Variants in TRHDE observed in about 807,000 individuals in gnomAD.
TRHDE encodes thyrotropin-releasing hormone-degrading ectoenzyme.
Under a neutral mutation model 125.7 loss-of-function variants are expected in TRHDE, and 72 were observed. The observed-to-expected ratio is 0.57, with a 90% CI of 0.47 to 0.70. TRHDE has a LOEUF of 0.70. Ranked by LOEUF, TRHDE falls within the 30% of genes least tolerant of loss-of-function variation. The probability of loss-of-function intolerance (pLI) is 0.00; values close to 1 mark genes in which losing one functional copy is unlikely to be tolerated. For synonymous variants in TRHDE, 509 were observed against 509.1 expected (o/e 1.00, Z 0.00); for missense variants, 1,110 against 1,327.1 (o/e 0.84, Z 2.54).
intron 2 of TRHDE, among the ~76,000 whole-genome samples, chr12:72,302,700 T>G (rs780335358): frequency 6.6e-6 from 1 of 152,112 alleles, no homozygotes; most frequent in African/African-American, 2.4e-5. Context: ...CACAGGGGTG[T>G]CTCTTTCTCT....
chr12:72,287,458 G>A (rs541974676), intron 2 of TRHDE, among the ~76,000 whole-genome samples: 13 of 152,200 alleles, frequency 8.5e-5, no homozygotes, highest in Admixed American at 5.2e-4. Flanking sequence ...GAAGCTCTCT[G>A]TGTAACCATC....
At chr12:72,238,328 ATATATACACAT>A (rs56322832) in intron 2 of TRHDE, among the ~76,000 whole-genome samples, 353 of 34,638 alleles carry the variant, frequency 0.01, 55 homozygotes, top group South Asian at 0.02. Context: ...ATATACATAT[ATATATACACAT>A]TATATATATA....
At chr12:72,116,446 A>G (rs1188359879) in intron 2 of TRHDE, among the ~76,000 whole-genome samples, 2 of 152,176 alleles carry the variant, frequency 1.3e-5, no homozygotes, top group Admixed American at 1.3e-4. Context: ...ACTGCCTTTC[A>G]CAATGGTTGA....
At chr12:72,315,427 C>T (rs948481548) in intron 2 of TRHDE, among the ~76,000 whole-genome samples, 1 of 151,924 alleles carries the variant, frequency 6.6e-6, no homozygotes, top group African/African-American at 2.4e-5. Flanking sequence ...TTTTTTCAAG[C>T]AGCCATCTGT....
rs919136021 is a variant in TRHDE, at chr12:72,653,232, A to T, written c.2984+76A>T. 30 of 1,294,634 alleles carry T rather than the reference A, an allele frequency of 2.3e-5. No homozygotes were observed. In the African/African-American group the frequency reaches 2.6e-4, roughly 11 times the overall value. The allele number at this position is 1,294,634 out of a possible 1,614,324, so 80.2% of individuals were successfully genotyped here. ...GGAATAAAGGCCCAAGTTTTGTGTT[A>T]AAGCTAAGATCCATGCAATAGGTTT... On this transcript the variant is annotated intron_variant, in intron 17 of 18. Transcript: ENST00000261180.
chr12:72,590,755 T>C (rs1161166223), intron 12 of TRHDE, among the ~76,000 whole-genome samples: 1 of 152,162 alleles, frequency 6.6e-6, no homozygotes, highest in Admixed American at 6.5e-5. Flanking sequence ...TTTAAAAAAT[T>C]TTTATTCTCA....
intron 6 of TRHDE, among the ~76,000 whole-genome samples, chr12:72,524,988 C>T (rs1428701986): frequency 6.6e-6 from 1 of 152,078 alleles, no homozygotes; most frequent in African/African-American, 2.4e-5. Context: ...AACTGACCTC[C>T]AAGACTCGTG....
intron 7 of TRHDE, among the ~76,000 whole-genome samples, chr12:72,548,659 A>G (rs1476514360): frequency 1.3e-5 from 2 of 151,618 alleles, no homozygotes; most frequent in Non-Finnish European, 3.0e-5. Context: ...CTCCCTAATT[A>G]CATTTTTTTC....
chr12:72,121,607 A>G (rs1875583927), intron 2 of TRHDE, among the ~76,000 whole-genome samples: 1 of 151,340 alleles, frequency 6.6e-6, no homozygotes, highest in Admixed American at 6.6e-5. Context: ...GGGAGAGGTG[A>G]TGGTAGCTAT....
intron 13 of TRHDE, among the ~76,000 whole-genome samples, chr12:72,619,656 G>T (rs142019512): frequency 6.8e-4 from 104 of 152,220 alleles, no homozygotes; most frequent in Admixed American, 1.3e-3. Flanking sequence ...CACCTAATCT[G>T]ATTTAATAAT....
At chr12:72,565,624 T>C (rs1014699936) in intron 9 of TRHDE, among the ~76,000 whole-genome samples, 5 of 152,194 alleles carry the variant, frequency 3.3e-5, no homozygotes, top group African/African-American at 1.2e-4. Context: ...ACCTCCACAG[T>C]CATACTTTCC....
intron 2 of TRHDE, among the ~76,000 whole-genome samples, chr12:72,238,310 AT>A (rs1878389813): frequency 2.9e-5 from 1 of 34,806 alleles, no homozygotes; most frequent in African/African-American, 9.7e-5. Context: ...ATATATATAT[AT>A]ATATATATAT....
intron 17 of TRHDE, among the ~76,000 whole-genome samples, chr12:72,654,938 C>T (rs1180277972): frequency 1.3e-5 from 2 of 152,136 alleles, no homozygotes; most frequent in Non-Finnish European, 2.9e-5. Flanking sequence ...TGTGATATTT[C>T]CCTGCTATAA....
chr12:72,384,301 A>G (rs919470872), intron 3 of TRHDE, among the ~76,000 whole-genome samples: 1 of 152,204 alleles, frequency 6.6e-6, no homozygotes, highest in Non-Finnish European at 1.5e-5. Flanking sequence ...TATCTGGAAC[A>G]GTGCTATGAT....
At chr12:72,528,941 A>G (rs950093236) in intron 6 of TRHDE, among the ~76,000 whole-genome samples, 1 of 152,266 alleles carries the variant, frequency 6.6e-6, no homozygotes, top group Admixed American at 6.5e-5. Context: ...AACGATGATT[A>G]TAATATATTC....
At chr12:72,149,449 T>C (rs1039878766) in intron 2 of TRHDE, among the ~76,000 whole-genome samples, 1 of 152,174 alleles carries the variant, frequency 6.6e-6, no homozygotes, top group African/African-American at 2.4e-5. Context: ...TAGTTTCAAA[T>C]AGAAAATGGT....
At chr12:72,093,589 A>C (rs746266086) in intron 1 of TRHDE, among the ~76,000 whole-genome samples, 2 of 151,884 alleles carry the variant, frequency 1.3e-5, no homozygotes, top group African/African-American at 2.4e-5. Flanking sequence ...TTTCTTCTTC[A>C]GATCAATTCT....
Position 72,656,917 on chromosome 12 carries a change from T to G in TRHDE, c.2985-10T>G. On this transcript the variant is annotated splice_polypyrimidine_tract_variant and intron_variant, in intron 17 of 18. Coordinates refer to ENST00000261180, the MANE Select transcript of TRHDE (RefSeq NM_013381.3). ...CTGCATTGACATTAAGACTCTTTTTTTCTTTTGAGGTATGGAGAAGCATTG... is the reference window on the plus strand; with the variant it reads ...CTGCATTGACATTAAGACTCTTTTTGTCTTTTGAGGTATGGAGAAGCATTG... 1 of 1,584,488 alleles carries G rather than the reference T, an allele frequency of 6.3e-7. No individual in the cohort carries two copies. Among genetic ancestry groups the G allele is most frequent in the Non-Finnish European group, 8.6e-7 (1 of 1,159,468 alleles).
chr12:72,577,816 G>GC (rs1348340066), intron 12 of TRHDE, among the ~76,000 whole-genome samples: 1 of 152,044 alleles, frequency 6.6e-6, no homozygotes, highest in African/African-American at 2.4e-5. Context: ...AATTTTGGGA[G>GC]CCTTAAAAGT....
Sources: gnomAD v4.1 joint callset for allele counts (sites outside exome capture counted in the v4.1 genomes callset) on GRCh38, gnomAD v4.1.1 for gene constraint, MANE v1.5 for transcripts, NCBI Gene and HGNC (gene_info 2026-07-23, HGNC 2026-07-21) for gene names.